CPLANE2: variants seen among roughly 807,000 people sequenced by gnomAD.
The protein encoded by CPLANE2 is ciliogenesis and planar polarity effector 2.
A neutral mutation model predicts 20.9 loss-of-function variants in CPLANE2; 24 were observed. The ratio of observed to expected loss-of-function variants is 1.15; its 90% confidence interval spans 0.83 to 1.61. CPLANE2 has a LOEUF of 1.61. CPLANE2 is among the 40% of genes most tolerant of loss of function. The pLI is 0.00. For missense variants in CPLANE2, 330 were observed against 355.1 expected (o/e 0.93, Z 0.57); for synonymous variants, 132 against 144.3 (o/e 0.92, Z 0.61).
Position 16,232,016 on chromosome 1 carries a change from T to C in CPLANE2, c.*32A>G, listed in dbSNP as rs200415347. 1 of 1,586,964 alleles carries C rather than the reference T, an allele frequency of 6.3e-7. No homozygotes were observed. Among genetic ancestry groups the C allele is most frequent in the Non-Finnish European group, 8.6e-7 (1 of 1,160,444 alleles). ...CAGCCCTATGTCGAGACCTGAGGGT[T>C]GGGGGTGGGATCACAGGCAACCACT... On this transcript the variant is annotated 3_prime_UTR_variant, in exon 5 of 5. Coordinates refer to ENST00000375599, the MANE Select transcript of CPLANE2 (RefSeq NM_030907.4).
At chr1:16,235,792 T>C (rs1486255976) in intron 1 of CPLANE2, among the ~76,000 whole-genome samples, 1 of 150,280 alleles carries the variant, frequency 6.7e-6, no homozygotes, top group African/African-American at 2.5e-5. Context: ...GCGATTCTCC[T>C]GCCTCAGCCT....
rs760333794 is a variant in CPLANE2 at position 16,232,107 on chromosome 1, G to A, written c.718C>T (p.His240Tyr). ...AGGCCAGCCGCCACCTGGTCCTGGT[G>A]CCACAGCTGCTCAGCAAGGCCATTG... ...ILNGLAEQLW[H>Y]QDQVAAGLLP... The change falls in exon 5 of 5, where the codon CAC (histidine) becomes TAC (tyrosine). Residue 240 changes from histidine (H) to tyrosine (Y), a missense_variant. Physicochemically the swap from His to Tyr is moderately conservative, Grantham distance 83 (BLOSUM62 2). Coordinates refer to ENST00000375599, the MANE Select transcript of CPLANE2 (RefSeq NM_030907.4). The A allele has an allele frequency of 2.5e-6, 4 of 1,613,378 alleles. No homozygotes were observed. In the African/African-American group the frequency reaches 5.3e-5, roughly 22 times the overall value.
rs767270731 is a variant in CPLANE2, at chr1:16,236,637, C to A, written c.106G>T (p.Val36Leu). The change falls in exon 1 of 5, where the codon GTG becomes TTG. Residue 36 changes from valine (V) to leucine (L), a missense_variant. Coordinates refer to ENST00000375599, the MANE Select transcript of CPLANE2 (RefSeq NM_030907.4). The stretch of plus-strand genomic sequence containing the variant: ...GAAAGGGGGAGGCACTTACCAAACA[C>A]CCGCCGGCGGTTCTTGCGCAGAATG... ...ACILRKNRRR[V>L]FGLLERPVLL... The A allele has an allele frequency of 3.5e-5, 54 of 1,554,400 alleles. No individual in the cohort carries two copies. The highest frequency in any genetic ancestry group is 3.9e-5 in the Non-Finnish European group (45 of 1,148,146).
At position 16,232,201 on chromosome 1, in the gene CPLANE2, C is replaced by T. The variant is rs34462760; in HGVS notation, c.624G>A (p.Pro208=). The T allele has an allele frequency of 7.3e-3, 11,718 of 1,612,708 alleles. 722 individuals are homozygous for T. In the African/African-American group the frequency reaches 0.14, roughly 19 times the overall value. ...ELPLLRVKSV[P]GRRLADGRTL... ...TGCGCCCATCAGCCAGCCGCCGCCC[C>T]GGCACACTCTTCACCCGTAGCAGGG... The change falls in exon 5 of 5, where the codon CCG becomes CCA. Residue 208 remains proline, a synonymous_variant. Coordinates refer to ENST00000375599, the MANE Select transcript of CPLANE2 (RefSeq NM_030907.4).
chr1:16,233,114 C>A (rs1042561681), intron 2 of CPLANE2, 97 bp from the exon 3 acceptor site: 3 of 1,370,338 alleles, frequency 2.2e-6, no homozygotes, highest in African/African-American at 2.9e-5. Context: ...TACATCCCTG[C>A]CCTGATGGGT....
In CPLANE2 at chr1:16,235,677, C is replaced by CTT. The variant is rs34360746; in HGVS notation, c.112+952_112+953dup. 1.0e-3 allele frequency among the ~76,000 whole-genome samples: 122 copies of CTT among 117,252 alleles called. 1 individual carries two copies. Among genetic ancestry groups the CTT allele is most frequent in the African/African-American group, 2.9e-3 (85 of 28,866 alleles). The allele number at this position is 117,252 out of a possible 152,430, so 76.9% of individuals were successfully genotyped here. A position where few individuals can be genotyped will look rare whatever the true frequency, so the allele number is the denominator to read the frequency against. On this transcript the variant is annotated intron_variant, in intron 1 of 4. Transcript: ENST00000375599. ...AGGGACAGTGGCCATATTAGAGGGT[C>CTT]TTTTTTTTTTTTTTTTTTTTGAGAC... is the stretch of plus-strand genomic sequence containing the variant.
intron 1 of CPLANE2, among the ~76,000 whole-genome samples, chr1:16,235,677 C>A: frequency 8.5e-6 from 1 of 117,280 alleles, no homozygotes. Flanking sequence ...ATTAGAGGGT[C>A]TTTTTTTTTT....
chr1:16,236,618 G>T lies in CPLANE2; in HGVS notation c.112+13C>A. The T allele has an allele frequency of 6.5e-7, 1 of 1,541,300 alleles. No individual in the cohort carries two copies. The highest frequency in any genetic ancestry group is 1.4e-5 in the African/African-American group (1 of 73,078). On this transcript the variant is annotated intron_variant, in intron 1 of 4. Transcript: ENST00000375599. ...GACAAGTGGCGGGCTAGAGGAAAGGGGGAGGCACTTACCAAACACCCGCCG... is the reference window on the plus strand; with the variant it reads ...GACAAGTGGCGGGCTAGAGGAAAGGTGGAGGCACTTACCAAACACCCGCCG...
In CPLANE2 at chr1:16,231,902, C is replaced by G; in HGVS notation, c.*146G>C. ...TGAATTCTGCAAGGAAAGCGCTGCT[C>G]GCGGGTGGGCCTTCTCTGGCCACAT... On this transcript the variant is annotated 3_prime_UTR_variant, in exon 5 of 5. Transcript: ENST00000375599. The G allele has an allele frequency of 8.5e-7, 1 of 1,181,020 alleles. No individual in the cohort carries two copies. The highest frequency in any genetic ancestry group is 1.2e-6 in the Non-Finnish European group (1 of 844,870). The allele number at this position is 1,181,020 out of a possible 1,614,324, so 73.2% of individuals were successfully genotyped here.
At chr1:16,232,693 G>A in intron 3 of CPLANE2, 47 bp from the exon 4 acceptor site, 2 of 1,610,044 alleles carry the variant, frequency 1.2e-6, no homozygotes, top group Admixed American at 1.7e-5. Flanking sequence ...ATCAGCTGCA[G>A]GGCCCTCAGA....
chr1:16,232,005 G>T lies in CPLANE2; in HGVS notation c.*43C>A. 6.3e-7 allele frequency: 1 copy of T among 1,587,428 alleles called. No homozygotes were observed. The highest frequency in any genetic ancestry group is 1.1e-5 in the South Asian group (1 of 88,560). On this transcript the variant is annotated 3_prime_UTR_variant, in exon 5 of 5. Transcript: ENST00000375599. The stretch of plus-strand genomic sequence containing the variant: ...GCCCCAGCCTCCAGCCCTATGTCGA[G>T]ACCTGAGGGTTGGGGGTGGGATCAC...
rs991448648 is a variant in CPLANE2 at position 16,236,859 on chromosome 1, C to CG, written c.-118dup. On this transcript the variant is annotated 5_prime_UTR_variant, in exon 1 of 5. The change abolishes the stop of an existing upstream ORF in the 5' untranslated region. Transcript: ENST00000375599. ...CCTCTTAACTGCCCTCTGACTCTCCCGGGGGGCCCCAGAAAGTGCAGTCCC... is the reference window on the plus strand; with the variant it reads ...CCTCTTAACTGCCCTCTGACTCTCCCGGGGGGGCCCCAGAAAGTGCAGTCCC... 5 of 761,744 alleles carry CG rather than the reference C, an allele frequency of 6.6e-6. No homozygotes were observed. Among genetic ancestry groups the CG allele is most frequent in the East Asian group, 5.4e-5 (2 of 36,928 alleles). 47.2% of individuals were successfully genotyped at this position (761,744 alleles called of 1,614,324 possible).
In CPLANE2 at chr1:16,233,674, T is replaced by C; in HGVS notation, c.203A>G (p.Lys68Arg). The change falls in exon 2 of 5, where the codon AAG becomes AGG. Residue 68 changes from lysine (K) to arginine (R), a missense_variant. Lys to Arg is a conservative substitution (Grantham distance 26, BLOSUM62 2). Transcript: ENST00000375599. ...AGCCAGCTTGGCCACCAGCGCCGTC[T>C]TGCCCACACCACTCTTCCCGGACAC... ...IFVSGKSGVG[K>R]TALVAKLAGL... The C allele has an allele frequency of 6.2e-7, 1 of 1,614,182 alleles. No individual in the cohort carries two copies. Among genetic ancestry groups the C allele is most frequent in the Non-Finnish European group, 8.5e-7 (1 of 1,180,044 alleles).
chr1:16,232,353 C>A, intron 4 of CPLANE2, 56 bp from the exon 5 acceptor site: 1 of 1,541,128 alleles, frequency 6.5e-7, no homozygotes, highest in Non-Finnish European at 8.8e-7. Flanking sequence ...CCCATCAGAC[C>A]CTGCCTCTCC....
Position 16,233,577 on chromosome 1 carries a change from T to G in CPLANE2, c.265+35A>C, listed in dbSNP as rs779363756. On this transcript the variant is annotated intron_variant, in intron 2 of 4. Coordinates refer to ENST00000375599, the MANE Select transcript of CPLANE2 (RefSeq NM_030907.4). ...CTTGCCTCCACCCCCAAGGAGGGCC[T>G]CCCAGGATGGGCAAAGGATAGAGGT... 25 of 1,610,734 alleles carry G rather than the reference T, an allele frequency of 1.6e-5. 1 individual carries two copies. The East Asian group carries it at 5.6e-4, about 36-fold the overall frequency.
At chr1:16,233,825 G>C (rs1176025842) in intron 1 of CPLANE2, 61 bp from the exon 2 acceptor site, 7 of 1,591,090 alleles carry the variant, frequency 4.4e-6, no homozygotes, top group East Asian at 2.2e-5. Context: ...GTGTCCCCCA[G>C]AGTTCATGTG....
In CPLANE2 at chr1:16,231,769, A is replaced by G; in HGVS notation, c.*279T>C. 1.8e-6 allele frequency: 1 copy of G among 540,698 alleles called. No homozygotes were observed. The highest frequency in any genetic ancestry group is 3.3e-6 in the Non-Finnish European group (1 of 303,262). 33.5% of individuals were successfully genotyped at this position (540,698 alleles called of 1,614,324 possible). On this transcript the variant is annotated 3_prime_UTR_variant, in exon 5 of 5. Coordinates refer to ENST00000375599, the MANE Select transcript of CPLANE2 (RefSeq NM_030907.4). ...ACCAATACAGGTTCTTGATTGAAGT[A>G]ACTTGAGAGGCACCCCCTCTCCCAG...
chr1:16,234,562 C>T (rs547323839), intron 1 of CPLANE2, among the ~76,000 whole-genome samples: 18 of 152,046 alleles, frequency 1.2e-4, no homozygotes, highest in South Asian at 4.2e-4. Context: ...ATTTTTAATA[C>T]GGATGGGGTC....
Position 16,232,587 on chromosome 1 carries a change from G to A in CPLANE2, c.450C>T (p.Ser150=). The change falls in exon 4 of 5, where the codon TCC becomes TCT. Residue 150 remains serine (S), a synonymous_variant. Transcript: ENST00000375599. ...CCAGCTGTCCAGGGAGGTCTTCAAA[G>A]GAGGCACGGTCAGTGAAGGAGAAGA... is the stretch of plus-strand genomic sequence containing the variant. ...LFLFSFTDRA[S]FEDLPGQLAR... is the part of the protein sequence containing the mutation. 1.2e-6 allele frequency: 2 copies of A among 1,614,146 alleles called. No homozygotes were observed.
Sources: gnomAD v4.1 joint callset for allele counts (sites outside exome capture counted in the v4.1 genomes callset) on GRCh38, gnomAD v4.1.1 for gene constraint, MANE v1.5 for transcripts, NCBI Gene and HGNC (gene_info 2026-07-23, HGNC 2026-07-21) for gene names.